Variants in ZFHX4 observed in about 807,000 individuals in gnomAD.
ZFHX4 encodes the protein zinc finger homeobox 4.
ZFHX4 carries 56 observed loss-of-function variants against 267.6 expected under a neutral mutation model. The observed-to-expected ratio is 0.21, with a 90% CI of 0.17 to 0.26. ZFHX4 has a LOEUF of 0.26. ZFHX4 is among the 10% of genes least tolerant of loss of function. The pLI is 1.00. For missense variants in ZFHX4, 4,332 were observed against 4,420.0 expected (o/e 0.98, Z 0.56); for synonymous variants, 1,778 against 1,665.6 (o/e 1.07, Z -1.64).
Position 76,864,775 on chromosome 8 carries a change from C to G in ZFHX4, c.*210C>G, listed in dbSNP as rs957022404. On this transcript the variant is annotated 3_prime_UTR_variant, in exon 11 of 11. Transcript: ENST00000651372. ...ATGCAGATGGTTGAATGCGCTTGTA[C>G]TATATGCTAAAATATGGAAAAGGAA... 4 of 369,902 alleles carry G rather than the reference C, an allele frequency of 1.1e-5. No homozygotes were observed. Among genetic ancestry groups the G allele is most frequent in the Non-Finnish European group, 1.9e-5 (4 of 205,770 alleles). 22.9% of individuals were successfully genotyped at this position (369,902 alleles called of 1,614,324 possible).
intron 1 of ZFHX4, among the ~76,000 whole-genome samples, chr8:76,698,704 A>G (rs2131595036): frequency 6.6e-6 from 1 of 152,232 alleles, no homozygotes; most frequent in Non-Finnish European, 1.5e-5. Context: ...AAAACAGAGA[A>G]AAACGACTTA....
At chr8:76,745,018 T>G (rs1809422620) in intron 3 of ZFHX4, among the ~76,000 whole-genome samples, 1 of 152,104 alleles carries the variant, frequency 6.6e-6, no homozygotes, top group South Asian at 2.1e-4. Context: ...CACTCCACAA[T>G]GCTGGGCCAT....
intron 3 of ZFHX4, among the ~76,000 whole-genome samples, chr8:76,716,153 G>A (rs1245900947): frequency 6.6e-6 from 1 of 152,062 alleles, no homozygotes; most frequent in African/African-American, 2.4e-5. Flanking sequence ...ATGATTACAT[G>A]TCCTTTTGCA....
At chr8:76,777,323 ATGC>A (rs1222567096) in intron 3 of ZFHX4, among the ~76,000 whole-genome samples, 2 of 152,174 alleles carry the variant, frequency 1.3e-5, no homozygotes, top group Non-Finnish European at 2.9e-5. Flanking sequence ...ATCCTGTTAC[ATGC>A]TGTGGGCAGA....
At chr8:76,702,434 A>C (rs886085477) in intron 1 of ZFHX4, among the ~76,000 whole-genome samples, 1 of 152,188 alleles carries the variant, frequency 6.6e-6, no homozygotes, top group African/African-American at 2.4e-5. Flanking sequence ...GCTATTCTTT[A>C]TACTTCATAT....
At chr8:76,739,868 T>C (rs959724174) in intron 3 of ZFHX4, among the ~76,000 whole-genome samples, 7 of 152,162 alleles carry the variant, frequency 4.6e-5, no homozygotes, top group Admixed American at 4.6e-4. Flanking sequence ...TCTAAAATTA[T>C]TAAACATGAT....
At chr8:76,728,721 G>T (rs773585861) in intron 3 of ZFHX4, among the ~76,000 whole-genome samples, 6 of 152,166 alleles carry the variant, frequency 3.9e-5, no homozygotes, top group Non-Finnish European at 8.8e-5. Context: ...TTTGAAATAG[G>T]TTATTAGTGA....
At chr8:76,696,274 A>G (rs1807954371) in intron 1 of ZFHX4, among the ~76,000 whole-genome samples, 1 of 152,150 alleles carries the variant, frequency 6.6e-6, no homozygotes, top group South Asian at 2.1e-4. Flanking sequence ...TTATTTCTTC[A>G]ACATGGTTCC....
At chr8:76,683,712 T>C (rs984062871) in intron 1 of ZFHX4, 1 of 151,268 alleles carries the variant, frequency 6.6e-6, no homozygotes, top group Non-Finnish European at 1.5e-5. Flanking sequence ...GGTTTTTTTT[T>C]TTTTATTGTG....
chr8:76,715,481 TAAAAAA>T (rs764567552), intron 3 of ZFHX4, among the ~76,000 whole-genome samples: 3 of 62,318 alleles, frequency 4.8e-5, no homozygotes, highest in East Asian at 5.8e-4. Flanking sequence ...GACTCCATCT[TAAAAAA>T]AAAAAAAAAA....
At chr8:76,708,895 G>T (rs77102708) in intron 3 of ZFHX4, among the ~76,000 whole-genome samples, 1 of 152,092 alleles carries the variant, frequency 6.6e-6, no homozygotes, top group African/African-American at 2.4e-5. Flanking sequence ...GAATAACTTG[G>T]TAACTTATTA....
In ZFHX4 at chr8:76,704,906, A is replaced by T; in HGVS notation, c.818A>T (p.Lys273Ile). Residue 273 changes from lysine (K) to isoleucine (I), a missense_variant, in exon 2 of 11, where the codon AAA becomes ATA. Physicochemically the swap from Lys to Ile is moderately radical, Grantham distance 102. Around this residue, in one of 7 missense-constraint regions of ZFHX4, gnomAD observed 1,195 missense variants for 1,173.6 expected, o/e 1.02. Transcript: ENST00000651372. ...TTCGATGGTTGTGTTAGCGATGGGA[A>T]AAGGAAACCTGTTTTAATGTGTTTC... ...SKFDGCVSDG[K>I]RKPVLMCFLC... The T allele has an allele frequency of 6.2e-7, 1 of 1,614,154 alleles. No homozygotes were observed. The highest frequency in any genetic ancestry group is 1.1e-5 in the South Asian group (1 of 91,086).
At chr8:76,718,937 A>T (rs1054867190) in intron 3 of ZFHX4, among the ~76,000 whole-genome samples, 8 of 79,368 alleles carry the variant, frequency 1.0e-4, no homozygotes, top group Non-Finnish European at 1.5e-4. Flanking sequence ...GAAATTGATC[A>T]CACACACACA....
chr8:76,740,037 G>A (rs1466616039), intron 3 of ZFHX4, among the ~76,000 whole-genome samples: 1 of 152,136 alleles, frequency 6.6e-6, no homozygotes, highest in African/African-American at 2.4e-5. Context: ...TCAAATATAA[G>A]TTGATATTAG....
intron 1 of ZFHX4, chr8:76,682,750 C>T (rs1402153623): frequency 6.6e-6 from 1 of 152,590 alleles, no homozygotes. Flanking sequence ...TCTTCGGCCC[C>T]CCTAAAAGGG....
chr8:76,834,314 G>C (rs1812014829), intron 5 of ZFHX4: 1 of 259,208 alleles, frequency 3.9e-6, no homozygotes, highest in Non-Finnish European at 7.9e-6. Context: ...CCACCAAACT[G>C]TCTTCCAAAG....
chr8:76,833,453 G>T, intron 5 of ZFHX4, 47 bp downstream of exon 5: 2 of 1,423,336 alleles, frequency 1.4e-6, no homozygotes, highest in Non-Finnish European at 9.7e-7. Context: ...TCCTAAATGA[G>T]TTGCTTTTGT....
chr8:76,859,548 T>C (rs1330279043), intron 10 of ZFHX4, among the ~76,000 whole-genome samples: 4 of 152,186 alleles, frequency 2.6e-5, no homozygotes, highest in Non-Finnish European at 5.9e-5. Context: ...TTTGCTTTTC[T>C]ATTTTTAACT....
chr8:76,843,924 A>C (rs749421147), intron 6 of ZFHX4, among the ~76,000 whole-genome samples: 16 of 152,048 alleles, frequency 1.1e-4, no homozygotes, highest in Admixed American at 4.6e-4. Flanking sequence ...TCAGTACTAA[A>C]TTTCTTTCAG....
Sources: gnomAD v4.1 joint callset for allele counts (sites outside exome capture counted in the v4.1 genomes callset) on GRCh38, gnomAD v4.1.1 for gene constraint, gnomAD v4.1.1 regional missense constraint, MANE v1.5 for transcripts, NCBI Gene and HGNC (gene_info 2026-07-23, HGNC 2026-07-21) for gene names.